TTC27: variants seen among roughly 807,000 people sequenced by gnomAD.
TTC27 encodes the protein tetratricopeptide repeat domain 27, also known as tetratricopeptide repeat protein 27.
In TTC27, 79 loss-of-function variants were observed where a neutral mutation model predicts 115.9. The observed-to-expected ratio is 0.68, with a 90% CI of 0.57 to 0.82. The LOEUF (loss-of-function observed/expected upper bound fraction) is 0.82. Among genes scored for constraint, TTC27 ranks in the 40% least tolerant of loss-of-function variants. The pLI is 0.00. For missense variants in TTC27, 1,054 were observed against 993.1 expected, an observed-to-expected ratio of 1.06 and a Z score of -0.82; for synonymous variants, 401 against 356.0, an observed-to-expected ratio of 1.13 and a Z score of -1.42.
intron 8 of TTC27, among the ~76,000 whole-genome samples, chr2:32,672,861 G>A (rs909613102): frequency 6.6e-6 from 1 of 152,160 alleles, no homozygotes. Flanking sequence ...AGATGATGCT[G>A]TATCATTCCT....
At chr2:32,664,882 G>C (rs982448405) in intron 6 of TTC27, among the ~76,000 whole-genome samples, 1 of 151,612 alleles carries the variant, frequency 6.6e-6, no homozygotes, top group African/African-American at 2.4e-5. Context: ...GCCCAGGCTG[G>C]AGTGCAGTGG....
intron 12 of TTC27, among the ~76,000 whole-genome samples, chr2:32,755,470 A>G (rs1055586094): frequency 2.0e-5 from 3 of 152,352 alleles, no homozygotes; most frequent in Admixed American, 6.5e-5. Flanking sequence ...GCAATCGCAG[A>G]CACTCGGCAG....
chr2:32,730,702 A>G (rs1668265636), intron 10 of TTC27, among the ~76,000 whole-genome samples: 1 of 150,980 alleles, frequency 6.6e-6, no homozygotes, highest in Non-Finnish European at 1.5e-5. Context: ...ACTCACTGCA[A>G]CCTCCGCCTC....
intron 2 of TTC27, among the ~76,000 whole-genome samples, chr2:32,631,393 A>G (rs1002411188): frequency 1.3e-5 from 2 of 152,184 alleles, no homozygotes; most frequent in Admixed American, 1.3e-4. Flanking sequence ...TATGTTTTAG[A>G]TTATTATCTT....
chr2:32,633,695 TG>T (rs1397859039), intron 2 of TTC27, among the ~76,000 whole-genome samples, 180 bp from the exon 3 acceptor site: 1 of 152,212 alleles, frequency 6.6e-6, no homozygotes, highest in Non-Finnish European at 1.5e-5. Context: ...TGAACCACTG[TG>T]CCTAGCTAAC....
At position 32,630,569 on chromosome 2, in the gene TTC27, C is replaced by T. The variant is rs746856857; in HGVS notation, c.135C>T (p.Ala45=). 3 of 1,612,614 alleles carry T rather than the reference C, an allele frequency of 1.9e-6. No individual in the cohort carries two copies. Among genetic ancestry groups the T allele is most frequent in the Admixed American group, 1.7e-5 (1 of 59,874 alleles). The change falls in exon 2 of 20, where the codon GCC becomes GCT. Residue 45 remains alanine (A), a synonymous_variant. Coordinates refer to ENST00000317907, the MANE Select transcript of TTC27 (RefSeq NM_017735.5). The part of the protein sequence containing the change: ...LQLLLEGNYE[A]IFLNSMTQNI... The stretch of plus-strand genomic sequence containing the variant: ...TGCTACTGGAAGGGAACTATGAAGC[C>T]ATATTCTTAAATTCAATGACTCAAA...
chr2:32,694,090 G>A (rs1379863909), intron 9 of TTC27, among the ~76,000 whole-genome samples: 3 of 152,136 alleles, frequency 2.0e-5, no homozygotes, highest in East Asian at 3.8e-4. Flanking sequence ...CTCTCTAGTC[G>A]TCAGCCTTTT....
intron 16 of TTC27, among the ~76,000 whole-genome samples, chr2:32,788,309 C>A (rs946297341): frequency 1.3e-5 from 2 of 152,170 alleles, no homozygotes; most frequent in South Asian, 4.1e-4. Context: ...TTCCAGCATT[C>A]TTTAGAATCA....
chr2:32,651,623 G>A (rs1665131004), intron 5 of TTC27, among the ~76,000 whole-genome samples: 1 of 152,160 alleles, frequency 6.6e-6, no homozygotes, highest in Non-Finnish European at 1.5e-5. Flanking sequence ...GGGATTACAG[G>A]CTCGAGCCAC....
chr2:32,776,324 A>G (rs553253178), intron 13 of TTC27, among the ~76,000 whole-genome samples: 17 of 152,296 alleles, frequency 1.1e-4, no homozygotes, highest in Admixed American at 3.3e-4. Flanking sequence ...CACATGGAAC[A>G]AGTTTTGTGG....
At chr2:32,655,603 A>C (rs184200082) in intron 5 of TTC27, among the ~76,000 whole-genome samples, 14 of 152,160 alleles carry the variant, frequency 9.2e-5, no homozygotes, top group Admixed American at 8.5e-4. Context: ...CCAGCTTCTC[A>C]CTCATACCAA....
In TTC27 at chr2:32,773,581, T is replaced by C. The variant is rs557192353; in HGVS notation, c.1681-4301T>C. Among the ~76,000 whole-genome samples the C allele has an allele frequency of 4.6e-5, 7 of 152,324 alleles. No homozygotes were observed. In the South Asian group the frequency reaches 1.0e-3, roughly 23 times the overall value. ...GGTCTTTGGAGTCACACTGACTGTG[T>C]CGAACCTCTCCTCTGTCTGTGACTG... is the stretch of plus-strand genomic sequence containing the variant. On this transcript the variant is annotated intron_variant, in intron 13 of 19. Transcript: ENST00000317907.
intron 3 of TTC27, among the ~76,000 whole-genome samples, chr2:32,637,590 C>T (rs1184073777): frequency 6.6e-6 from 1 of 152,162 alleles, no homozygotes; most frequent in Non-Finnish European, 1.5e-5. Context: ...CTCAGCCTCC[C>T]AAAGTGCTGA....
At chr2:32,758,804 C>T (rs1669334890) in intron 13 of TTC27, among the ~76,000 whole-genome samples, 1 of 151,736 alleles carries the variant, frequency 6.6e-6, no homozygotes. Context: ...AAATTAGGTC[C>T]AATTTTGAGC....
chr2:32,642,462 G>T (rs565347804), intron 4 of TTC27, among the ~76,000 whole-genome samples: 13 of 150,930 alleles, frequency 8.6e-5, no homozygotes, highest in Non-Finnish European at 1.5e-4. Flanking sequence ...CATGTTGGCC[G>T]TGTTGGTTTC....
intron 19 of TTC27, among the ~76,000 whole-genome samples, chr2:32,818,252 A>C (rs900715135): frequency 3.3e-5 from 5 of 152,224 alleles, no homozygotes; most frequent in African/African-American, 1.2e-4. Context: ...CTAGCTCATC[A>C]AGCCTATAAT....
chr2:32,747,318 G>A (rs61059237), intron 12 of TTC27, among the ~76,000 whole-genome samples: 2 of 152,154 alleles, frequency 1.3e-5, no homozygotes, highest in African/African-American at 2.4e-5. Context: ...CAAACCCATC[G>A]TAAGTTGAAA....
chr2:32,682,844 G>GGTTTTTTT (rs1553550061), intron 9 of TTC27, among the ~76,000 whole-genome samples: 1 of 56,988 alleles, frequency 1.8e-5, no homozygotes, highest in African/African-American at 7.5e-5. Context: ...AATTTTTATT[G>GGTTTTTTT]TTGTTTTTTT....
intron 9 of TTC27, among the ~76,000 whole-genome samples, chr2:32,698,000 G>T (rs1667050960): frequency 6.6e-6 from 1 of 152,106 alleles, no homozygotes; most frequent in Non-Finnish European, 1.5e-5. Context: ...TGATCTGCCT[G>T]CCTCAGCCCC....
Sources: allele counts gnomAD v4.1 joint callset (sites outside exome capture counted in the v4.1 genomes callset), GRCh38; gene constraint gnomAD v4.1.1; transcripts MANE v1.5; gene names NCBI Gene and HGNC (gene_info 2026-07-23, HGNC 2026-07-21).